The following GNAQ variants were observed in gnomAD, a reference collection of about 807,000 sequenced individuals.
GNAQ encodes the protein guanine nucleotide-binding protein G(q) subunit alpha.
A neutral mutation model predicts 43.9 loss-of-function variants in GNAQ; 8 were observed. The observed-to-expected ratio is 0.18, with a 90% confidence interval of 0.11 to 0.33. GNAQ has a LOEUF of 0.33. GNAQ is among the 10% of genes least tolerant of loss of function. GNAQ has a pLI of 1.00. For missense variants in GNAQ, 158 were observed against 450.8 expected (o/e 0.35, Z 5.88); for synonymous variants, 155 against 170.7 (o/e 0.91, Z 0.71).
chr9:77,992,478 T>C (rs1823520022), intron 1 of GNAQ, among the ~76,000 whole-genome samples: 1 of 152,100 alleles, frequency 6.6e-6, no homozygotes, highest in African/African-American at 2.4e-5. Flanking sequence ...TAAACCTTCT[T>C]GGACTTTTGA....
At chr9:77,980,799 A>T (rs914613365) in intron 1 of GNAQ, among the ~76,000 whole-genome samples, 2 of 152,330 alleles carry the variant, frequency 1.3e-5, no homozygotes, top group East Asian at 3.9e-4. Context: ...ATACTCCCAC[A>T]CTTTGATACA....
At chr9:77,921,873 A>G (rs565792023) in intron 2 of GNAQ, among the ~76,000 whole-genome samples, 2 of 152,310 alleles carry the variant, frequency 1.3e-5, no homozygotes, top group South Asian at 2.1e-4. Flanking sequence ...TGCTTCTCCA[A>G]ATTTTAAACC....
At chr9:77,940,219 T>A (rs1241590778) in intron 1 of GNAQ, among the ~76,000 whole-genome samples, 1 of 152,202 alleles carries the variant, frequency 6.6e-6, no homozygotes, top group Non-Finnish European at 1.5e-5. Flanking sequence ...ACAGTCCTAA[T>A]ATCCCTTATA....
intron 1 of GNAQ, among the ~76,000 whole-genome samples, chr9:78,028,355 G>A (rs952429736): frequency 1.4e-4 from 21 of 152,094 alleles, no homozygotes; most frequent in African/African-American, 5.1e-4. Context: ...TTGGAAGACT[G>A]GCATAGTTGC....
rs1353793137 is a variant in GNAQ, at chr9:78,031,673, C to G, written c.-438G>C. Reference sequence around the variant, plus strand: ...CTCATTCACCGGGGTGTCCCCGCAGCGAGCGGCCGCCGACGGCTCCCCGCG... The same window carrying G: ...CTCATTCACCGGGGTGTCCCCGCAGGGAGCGGCCGCCGACGGCTCCCCGCG... On this transcript the variant is annotated 5_prime_UTR_variant, in exon 1 of 7. Transcript: ENST00000286548. Among the ~76,000 whole-genome samples the G allele has an allele frequency of 2.0e-5, 3 of 147,474 alleles. No individual in the cohort carries two copies. Among genetic ancestry groups the G allele is most frequent in the Non-Finnish European group, 4.5e-5 (3 of 66,226 alleles).
At chr9:77,880,880 G>C (rs902170708) in intron 2 of GNAQ, among the ~76,000 whole-genome samples, 13 of 152,174 alleles carry the variant, frequency 8.5e-5, no homozygotes, top group Non-Finnish European at 1.6e-4. Context: ...TGAGGCTGAA[G>C]ACAGTGCTTT....
intron 5 of GNAQ, among the ~76,000 whole-genome samples, chr9:77,737,598 C>T (rs139930205): frequency 1.3e-5 from 2 of 152,280 alleles, no homozygotes; most frequent in Non-Finnish European, 2.9e-5. Context: ...AGCATCCCAA[C>T]GTATTCCAAC....
At chr9:77,813,954 T>C (rs1826969977) in intron 3 of GNAQ, among the ~76,000 whole-genome samples, 1 of 152,000 alleles carries the variant, frequency 6.6e-6, no homozygotes, top group South Asian at 2.1e-4. Flanking sequence ...AGTAGCAAAG[T>C]GAGAAGCAGA....
chr9:77,919,306 G>A (rs755293838), intron 2 of GNAQ, among the ~76,000 whole-genome samples: 1 of 152,160 alleles, frequency 6.6e-6, no homozygotes, highest in Non-Finnish European at 1.5e-5. Flanking sequence ...AAGAATGAAT[G>A]CAAAGATGGA....
intron 5 of GNAQ, among the ~76,000 whole-genome samples, chr9:77,780,126 T>C (rs1826371051): frequency 6.6e-6 from 1 of 151,964 alleles, no homozygotes; most frequent in Non-Finnish European, 1.5e-5. Flanking sequence ...TTCTTTGTGT[T>C]GGGAACATGC....
At chr9:78,016,786 T>C (rs1381839802) in intron 1 of GNAQ, among the ~76,000 whole-genome samples, 1 of 152,210 alleles carries the variant, frequency 6.6e-6, no homozygotes, top group Admixed American at 6.5e-5. Flanking sequence ...TGTAGGCATG[T>C]TTTGTAATTT....
intron 1 of GNAQ, among the ~76,000 whole-genome samples, chr9:78,017,390 T>C (rs7872896): frequency 1.3e-5 from 2 of 152,146 alleles, no homozygotes; most frequent in African/African-American, 4.8e-5. Flanking sequence ...ATAAATATGT[T>C]CCAAAAGATT....
intron 1 of GNAQ, among the ~76,000 whole-genome samples, chr9:77,945,880 G>T (rs900454127): frequency 6.6e-6 from 1 of 152,104 alleles, no homozygotes; most frequent in Non-Finnish European, 1.5e-5. Flanking sequence ...GGAAACTGAG[G>T]TCTACTGAAG....
intron 3 of GNAQ, among the ~76,000 whole-genome samples, chr9:77,809,908 C>T (rs979567843): frequency 6.6e-6 from 1 of 152,102 alleles, no homozygotes; most frequent in Admixed American, 6.6e-5. Context: ...AAATAACATT[C>T]CTGAATTATC....
intron 3 of GNAQ, among the ~76,000 whole-genome samples, chr9:77,799,775 A>G (rs922225300): frequency 6.6e-6 from 1 of 152,208 alleles, no homozygotes; most frequent in African/African-American, 2.4e-5. Context: ...CCTATTGCAT[A>G]TCAATTAATT....
intron 2 of GNAQ, among the ~76,000 whole-genome samples, chr9:77,841,048 C>T (rs529386588): frequency 5.9e-5 from 9 of 152,158 alleles, no homozygotes; most frequent in East Asian, 3.9e-4. Flanking sequence ...TACTGTTACA[C>T]GTGAAGCCCA....
At chr9:77,787,513 C>T (rs1195720591) in intron 5 of GNAQ, among the ~76,000 whole-genome samples, 2 of 152,186 alleles carry the variant, frequency 1.3e-5, no homozygotes, top group African/African-American at 4.8e-5. Context: ...GGTATTGGCA[C>T]AACTGATAGA....
At chr9:77,897,804 C>T (rs1828527723) in intron 2 of GNAQ, among the ~76,000 whole-genome samples, 1 of 152,170 alleles carries the variant, frequency 6.6e-6, no homozygotes, top group South Asian at 2.1e-4. Context: ...CTGGAAGGCA[C>T]TGGGACTTCC....
intron 1 of GNAQ, among the ~76,000 whole-genome samples, chr9:77,934,088 C>A (rs957603811): frequency 6.6e-6 from 1 of 152,152 alleles, no homozygotes; most frequent in Non-Finnish European, 1.5e-5. Flanking sequence ...ATTGCATATT[C>A]ATCAAGAGAT....
Sources: gnomAD v4.1 joint callset for allele counts (sites outside exome capture counted in the v4.1 genomes callset) on GRCh38, gnomAD v4.1.1 for gene constraint, MANE v1.5 for transcripts, NCBI Gene and HGNC (gene_info 2026-07-23, HGNC 2026-07-21) for gene names.